AGO2: variants seen among roughly 807,000 people sequenced by gnomAD.
AGO2 encodes protein argonaute-2.
Under a neutral mutation model 102.3 loss-of-function variants are expected in AGO2, and 5 were observed. The ratio of observed to expected loss-of-function variants is 0.05; its 90% confidence interval spans 0.03 to 0.10. The LOEUF is 0.10. Among genes scored for constraint, AGO2 ranks in the 10% least tolerant of loss-of-function variants. The pLI, the probability that AGO2 is intolerant of heterozygous loss-of-function variation, is 1.00. For synonymous variants in AGO2, 449 were observed against 473.1 expected (o/e 0.95, Z 0.66); for missense variants, 541 against 1,183.7 (o/e 0.46, Z 7.97).
chr8:140,532,321 TG>T, intron 18 of AGO2, 94 bp downstream of exon 18: 1 of 1,478,594 alleles, frequency 6.8e-7, no homozygotes, highest in Non-Finnish European at 9.2e-7. Flanking sequence ...CTCCAGCCGC[TG>T]GGGCCCTGCC....
chr8:140,619,239 C>T (rs868009920), intron 1 of AGO2, among the ~76,000 whole-genome samples: 16 of 152,200 alleles, frequency 1.1e-4, no homozygotes, highest in Non-Finnish European at 1.6e-4. Flanking sequence ...GGCGCAGGCT[C>T]GGGAGCAAGT....
At chr8:140,640,510 AGGACAGCT>A (rs2074434089), upstream of AGO2, among the ~76,000 whole-genome samples, 1 of 151,722 alleles carries the variant, frequency 6.6e-6, no homozygotes, top group South Asian at 2.1e-4. Context: ...CCCCAGCCTG[AGGACAGCT>A]GGTGTTTCTT....
At position 140,589,445 on chromosome 8, in the gene AGO2, C is replaced by T. The variant is rs2073714606; in HGVS notation, c.23-4134G>A. Among the ~76,000 whole-genome samples, 1 of 152,068 alleles carries T rather than the reference C, an allele frequency of 6.6e-6. No individual in the cohort carries two copies. The highest frequency in any genetic ancestry group is 2.1e-4 in the South Asian group (1 of 4,828). On this transcript the variant is annotated intron_variant, in intron 1 of 18. Transcript: ENST00000220592. The surrounding 1 kb of genome is among the most constrained non-coding windows in gnomAD (Gnocchi z 4.2). Reference sequence around the variant, plus strand: ...CTCGCTGTGAGGCTGGCACAGGGGCCCAGGGCTGTCTCCTAGGAAGCCGGC... The same window carrying T: ...CTCGCTGTGAGGCTGGCACAGGGGCTCAGGGCTGTCTCCTAGGAAGCCGGC...
In AGO2 at chr8:140,522,252, C is replaced by T. The variant is rs2072426918; in HGVS notation, c.*9792G>A. Reference sequence around the variant, plus strand: ...AAGTTTCATGTGGAGTTGTATCTCACTGTTTGGTTACTTTTTCCAATTTAA... The same window carrying T: ...AAGTTTCATGTGGAGTTGTATCTCATTGTTTGGTTACTTTTTCCAATTTAA... On this transcript the variant is annotated 3_prime_UTR_variant, in exon 19 of 19. Coordinates refer to ENST00000220592, the MANE Select transcript of AGO2 (RefSeq NM_012154.5). 1 of 152,114 alleles carries T rather than the reference C, an allele frequency of 6.6e-6. No individual in the cohort carries two copies. The highest frequency in any genetic ancestry group is 2.1e-4 in the South Asian group (1 of 4,830). The allele number at this position is 152,114 out of a possible 1,614,324, so 9.4% of individuals were successfully genotyped here. A position where few individuals can be genotyped will look rare whatever the true frequency, so the allele number is the denominator to read the frequency against.
Position 140,531,786 on chromosome 8 carries a change from ACT to A in AGO2, c.*256_*257del, listed in dbSNP as rs2072599590. The A allele has an allele frequency of 5.4e-6, 2 of 371,558 alleles. No homozygotes were observed. The highest frequency in any genetic ancestry group is 4.1e-5 in the African/African-American group (2 of 48,710). The allele number at this position is 371,558 out of a possible 1,614,324, so 23.0% of individuals were successfully genotyped here. ...TTAGGAGATTTTTAGGACACACGGG[ACT>A]CTGTTTTAATAAGCAGCTTATAGAT... is the stretch of plus-strand genomic sequence containing the variant. On this transcript the variant is annotated 3_prime_UTR_variant, in exon 19 of 19. Coordinates refer to ENST00000220592, the MANE Select transcript of AGO2 (RefSeq NM_012154.5).
chr8:140,555,605 C>G (rs1170679930), intron 10 of AGO2: 1 of 312,938 alleles, frequency 3.2e-6, no homozygotes, highest in South Asian at 8.2e-5. Context: ...GGAAATAATT[C>G]GACCCTCGGT....
In AGO2 at chr8:140,552,728, A is replaced by ACGTGCG. The variant is rs1554702369; in HGVS notation, c.1270-1293_1270-1292insCGCACG. Reference sequence around the variant, plus strand: ...CATGCACATGAACACACGCACATGCACGCGCGCGCGCGCACACACACACAC... The same window carrying ACGTGCG: ...CATGCACATGAACACACGCACATGCACGTGCGCGCGCGCGCGCGCACACACACACAC... On this transcript the variant is annotated intron_variant, in intron 10 of 18. Coordinates refer to ENST00000220592, the MANE Select transcript of AGO2 (RefSeq NM_012154.5). Among the ~76,000 whole-genome samples, 411 of 124,048 alleles carry ACGTGCG rather than the reference A, an allele frequency of 3.3e-3. 2 individuals are homozygous for ACGTGCG. The highest frequency in any genetic ancestry group is 0.014 in the African/African-American group (390 of 27,890). The allele number at this position is 124,048 out of a possible 152,430, so 81.4% of individuals were successfully genotyped here. A position where few individuals can be genotyped will look rare whatever the true frequency, so the allele number is the denominator to read the frequency against.
intron 1 of AGO2, among the ~76,000 whole-genome samples, chr8:140,622,306 T>A (rs4475457): frequency 2.7e-4 from 9 of 33,810 alleles, no homozygotes; most frequent in Non-Finnish European, 4.3e-4. Context: ...GGTCTCCTCT[T>A]GGGGGAATAA....
intron 1 of AGO2, among the ~76,000 whole-genome samples, chr8:140,606,166 C>T (rs2073995565): frequency 6.6e-6 from 1 of 152,126 alleles, no homozygotes; most frequent in Admixed American, 6.6e-5. Context: ...TGAAGTATAT[C>T]CTTCCAGGGC....
chr8:140,619,505 C>A (rs1320966741), intron 1 of AGO2, among the ~76,000 whole-genome samples: 2 of 152,164 alleles, frequency 1.3e-5, no homozygotes, highest in African/African-American at 4.8e-5. Flanking sequence ...GCGCCAGGGA[C>A]CGGGCAGGCC....
chr8:140,641,836 C>T, the AGO2 span, among the ~76,000 whole-genome samples: 1 of 152,128 alleles, frequency 6.6e-6, no homozygotes, highest in African/African-American at 2.4e-5. Flanking sequence ...TTCCAAAGTG[C>T]CGGGCTTACA....
chr8:140,618,922 GT>G (rs2152105907), intron 1 of AGO2, among the ~76,000 whole-genome samples: 1 of 151,382 alleles, frequency 6.6e-6, no homozygotes, highest in African/African-American at 2.4e-5. Context: ...AAATGAGCAT[GT>G]CTTTCTTTTT....
chr8:140,612,449 C>T (rs1409290239), intron 1 of AGO2, among the ~76,000 whole-genome samples: 1 of 152,032 alleles, frequency 6.6e-6, no homozygotes. Flanking sequence ...GGATTCTACA[C>T]TGCACCTGAC....
Position 140,540,091 on chromosome 8 carries a change from A to C in AGO2, c.2035-637T>G, listed in dbSNP as rs2072769765. Among the ~76,000 whole-genome samples, 1 of 152,182 alleles carries C rather than the reference A, an allele frequency of 6.6e-6. No individual in the cohort carries two copies. Among genetic ancestry groups the C allele is most frequent in the Non-Finnish European group, 1.5e-5 (1 of 68,026 alleles). ...GAGACAGCGAGAGTCTTTCTCAAAA[A>C]AAACAAACAAAAAAACAAAACAAAA... On this transcript the variant is annotated intron_variant, in intron 15 of 18. Coordinates refer to ENST00000220592, the MANE Select transcript of AGO2 (RefSeq NM_012154.5). This position sits in a 1 kb window ranked among gnomAD's most constrained non-coding sequence, Gnocchi z 5.0.
At position 140,541,019 on chromosome 8, in the gene AGO2, C is replaced by A. The variant is rs73360464; in HGVS notation, c.2034+145G>T. ...CCCGTGTCCCATCTCCTCCCCTGGA[C>A]CCCCTTCCATGGTGTGACCAGATCA... On this transcript the variant is annotated intron_variant, in intron 15 of 18. Transcript: ENST00000220592. The A allele has an allele frequency of 7.0e-4, 678 of 963,706 alleles. 4 individuals are homozygous for A. The African/African-American group carries it at 0.01, about 14-fold the overall frequency. The allele number at this position is 963,706 out of a possible 1,614,324, so 59.7% of individuals were successfully genotyped here. A position where few individuals can be genotyped will look rare whatever the true frequency, so the allele number is the denominator to read the frequency against.
chr8:140,559,691 G>A (rs1288979321), intron 5 of AGO2, among the ~76,000 whole-genome samples, 162 bp from the exon 6 acceptor site: 2 of 152,110 alleles, frequency 1.3e-5, no homozygotes, highest in Admixed American at 6.5e-5. Flanking sequence ...GACACGGGCA[G>A]GCCAGCAGTG....
rs1461732333 is a variant in AGO2, at chr8:140,531,265, A to G, written c.*779T>C. 6.6e-6 allele frequency: 1 copy of G among 152,662 alleles called. No individual in the cohort carries two copies. Among genetic ancestry groups the G allele is most frequent in the African/African-American group, 2.4e-5 (1 of 41,452 alleles). The allele number at this position is 152,662 out of a possible 1,614,324, so 9.5% of individuals were successfully genotyped here. ...CACCACAGACCCGTATTCTTTAAAA[A>G]CTTTGGAAAATAAATGTCACAGTCC... is the stretch of plus-strand genomic sequence containing the variant. On this transcript the variant is annotated 3_prime_UTR_variant, in exon 19 of 19. Coordinates refer to ENST00000220592, the MANE Select transcript of AGO2 (RefSeq NM_012154.5).
At chr8:140,593,581 C>T (rs903077218) in intron 1 of AGO2, among the ~76,000 whole-genome samples, 24 of 149,152 alleles carry the variant, frequency 1.6e-4, no homozygotes, top group South Asian at 1.5e-3. Flanking sequence ...ACTTTGTGCC[C>T]TTTTACAGTA....
intron 18 of AGO2, 51 bp downstream of exon 18, chr8:140,532,365 C>G (rs750214162): frequency 1.9e-6 from 3 of 1,564,522 alleles, no homozygotes; most frequent in Middle Eastern, 2.3e-4. Flanking sequence ...CTGCCAATAC[C>G]CGTGGCAAAA....
Sources: gnomAD v4.1 joint callset for allele counts (sites outside exome capture counted in the v4.1 genomes callset) on GRCh38, gnomAD v4.1.1 for gene constraint, Gnocchi (gnomAD v3.1) non-coding constraint, MANE v1.5 for transcripts, NCBI Gene and HGNC (gene_info 2026-07-23, HGNC 2026-07-21) for gene names.